The following EEFSEC variants were observed in gnomAD, a reference collection of about 807,000 sequenced individuals.
The protein encoded by EEFSEC is eukaryotic elongation factor, selenocysteine-tRNA specific.
In EEFSEC, 43 loss-of-function variants were observed where a neutral mutation model predicts 42.1. That is an observed-to-expected ratio of 1.02 (90% CI 0.80 to 1.32). The LOEUF is 1.32. Among genes scored for constraint, EEFSEC ranks in the 40% most tolerant of loss-of-function variants. The pLI is 0.00. For synonymous variants in EEFSEC, 354 were observed against 339.1 expected, an observed-to-expected ratio of 1.04 and a Z score of -0.48; for missense variants, 745 against 803.6, an observed-to-expected ratio of 0.93 and a Z score of 0.88.
chr3:128,192,435 C>T (rs997977531), intron 1 of EEFSEC, among the ~76,000 whole-genome samples: 2 of 152,216 alleles, frequency 1.3e-5, no homozygotes, highest in Non-Finnish European at 2.9e-5. Context: ...GGGTTCCGAG[C>T]TGGGCTCTTG....
At chr3:128,309,316 G>A (rs1023560637) in intron 4 of EEFSEC, among the ~76,000 whole-genome samples, 3 of 152,144 alleles carry the variant, frequency 2.0e-5, no homozygotes, top group African/African-American at 7.2e-5. Flanking sequence ...GCTGAGAGAG[G>A]GCCAGCTGGC....
At chr3:128,403,839 T>TCC (rs967366972) in intron 6 of EEFSEC, among the ~76,000 whole-genome samples, 6 of 152,230 alleles carry the variant, frequency 3.9e-5, no homozygotes, top group Admixed American at 1.3e-4. Context: ...AGCAGCCCTG[T>TCC]CCCCACACAG....
intron 4 of EEFSEC, among the ~76,000 whole-genome samples, chr3:128,313,870 G>A (rs920850397): frequency 6.6e-6 from 1 of 152,218 alleles, no homozygotes; most frequent in Non-Finnish European, 1.5e-5. Context: ...ACAACCCCCT[G>A]TCTTGGGTCC....
intron 6 of EEFSEC, among the ~76,000 whole-genome samples, chr3:128,397,039 A>T (rs1410839676): frequency 1.3e-5 from 2 of 152,126 alleles, no homozygotes; most frequent in East Asian, 3.9e-4. Flanking sequence ...ACACAGAGGC[A>T]CCCTGGGCCT....
At chr3:128,347,701 T>C (rs1452499699) in intron 5 of EEFSEC, among the ~76,000 whole-genome samples, 1 of 152,288 alleles carries the variant, frequency 6.6e-6, no homozygotes, top group East Asian at 1.9e-4. Flanking sequence ...GAGATTGGGT[T>C]AAATACTGAC....
chr3:128,312,707 G>A (rs2066902763), intron 4 of EEFSEC, among the ~76,000 whole-genome samples: 1 of 152,268 alleles, frequency 6.6e-6, no homozygotes, highest in Non-Finnish European at 1.5e-5. Context: ...TACAGCAGGT[G>A]TGGCTTCCTC....
At chr3:128,237,808 C>T (rs2066028750) in intron 1 of EEFSEC, among the ~76,000 whole-genome samples, 2 of 152,188 alleles carry the variant, frequency 1.3e-5, no homozygotes, top group Admixed American at 1.3e-4. Flanking sequence ...TCATTGTTCA[C>T]CCTGGCCTTT....
intron 4 of EEFSEC, among the ~76,000 whole-genome samples, chr3:128,295,066 T>G (rs1419406352): frequency 6.6e-6 from 1 of 152,220 alleles, no homozygotes; most frequent in African/African-American, 2.4e-5. Context: ...GTTTGTCCGT[T>G]GCTGGAATGT....
intron 1 of EEFSEC, among the ~76,000 whole-genome samples, chr3:128,214,928 A>C (rs1316888569): frequency 1.2e-4 from 18 of 152,232 alleles, no homozygotes; most frequent in Admixed American, 1.2e-3. Flanking sequence ...AGGAGGTAAC[A>C]GCAAAATCAT....
intron 1 of EEFSEC, among the ~76,000 whole-genome samples, chr3:128,188,718 C>T (rs1209247856): frequency 1.3e-5 from 2 of 152,220 alleles, no homozygotes; most frequent in Non-Finnish European, 2.9e-5. Flanking sequence ...CCAGCAGCCC[C>T]TCTTTGCCGG....
At chr3:128,328,285 G>A (rs938504920) in intron 4 of EEFSEC, among the ~76,000 whole-genome samples, 1 of 152,182 alleles carries the variant, frequency 6.6e-6, no homozygotes, top group African/African-American at 2.4e-5. Flanking sequence ...GGAGGTGAGT[G>A]CAGGGGTGAT....
intron 6 of EEFSEC, among the ~76,000 whole-genome samples, chr3:128,377,058 CT>C (rs1484260812): frequency 2.0e-5 from 3 of 151,878 alleles, no homozygotes; most frequent in Admixed American, 2.0e-4. Context: ...TTTTAATAAC[CT>C]AGAAGTATAA....
At chr3:128,361,135 G>A (rs1268155987) in intron 6 of EEFSEC, among the ~76,000 whole-genome samples, 3 of 152,144 alleles carry the variant, frequency 2.0e-5, no homozygotes, top group Non-Finnish European at 4.4e-5. Context: ...TGCACTTCAT[G>A]GGCCTCGCTG....
intron 1 of EEFSEC, among the ~76,000 whole-genome samples, chr3:128,229,806 C>A (rs1011841889): frequency 7.9e-5 from 12 of 152,162 alleles, no homozygotes; most frequent in Non-Finnish European, 1.2e-4. Flanking sequence ...GGCCTACATT[C>A]CTGTCTGGCC....
chr3:128,415,849 G>T, the EEFSEC span, among the ~76,000 whole-genome samples: 1 of 152,212 alleles, frequency 6.6e-6, no homozygotes, highest in Non-Finnish European at 1.5e-5. Context: ...CTGCTTCCTG[G>T]AGTTCCTCAC....
chr3:128,348,253 CGT>C (rs761445739), intron 5 of EEFSEC, among the ~76,000 whole-genome samples: 40 of 101,838 alleles, frequency 3.9e-4, no homozygotes, highest in East Asian at 9.4e-4. Flanking sequence ...AGTGTGCATG[CGT>C]GTGTGTGTGT....
rs2737743 is a variant in EEFSEC, at chr3:128,404,803, G to C, written c.1601-3266G>C. Among the ~76,000 whole-genome samples the C allele has an allele frequency of 2.2e-4, 34 of 152,348 alleles. No homozygotes were observed. In the East Asian group the frequency reaches 6.4e-3, roughly 29 times the overall value. On this transcript the variant is annotated intron_variant, in intron 6 of 6. Coordinates refer to ENST00000254730, the MANE Select transcript of EEFSEC (RefSeq NM_021937.5). ...CTTAATGCAGGTCCCCAAGGCCATA[G>C]TGTCACATGTCCCTCAGGCAGGCGT...
At chr3:128,189,640 C>T (rs538652944) in intron 1 of EEFSEC, among the ~76,000 whole-genome samples, 4 of 151,896 alleles carry the variant, frequency 2.6e-5, no homozygotes, top group Admixed American at 2.6e-4. Context: ...TCACTGCAAC[C>T]TCTGCCGCCT....
At chr3:128,310,420 G>A (rs998659677) in intron 4 of EEFSEC, among the ~76,000 whole-genome samples, 1 of 152,188 alleles carries the variant, frequency 6.6e-6, no homozygotes, top group African/African-American at 2.4e-5. Flanking sequence ...GGCTTCTTGA[G>A]AGTTTCTAAA....
Sources: gnomAD v4.1 joint callset for allele counts (sites outside exome capture counted in the v4.1 genomes callset) on GRCh38, gnomAD v4.1.1 for gene constraint, MANE v1.5 for transcripts, NCBI Gene and HGNC (gene_info 2026-07-23, HGNC 2026-07-21) for gene names.